Variants in NEK1 observed in about 807,000 individuals in gnomAD.
The protein encoded by NEK1 is NIMA related kinase 1.
Under a neutral mutation model 182.1 loss-of-function variants are expected in NEK1, and 137 were observed. The ratio of observed to expected loss-of-function variants is 0.75; its 90% CI spans 0.65 to 0.87. The LOEUF is 0.87. NEK1 is among the 40% of genes least tolerant of loss of function. NEK1 has a pLI of 0.00. For synonymous variants in NEK1, 513 were observed against 492.2 expected (o/e 1.04, Z -0.56); for missense variants, 1,391 against 1,494.4 (o/e 0.93, Z 1.14).
At chr4:169,416,548 C>A (rs1054383650) in intron 31 of NEK1, among the ~76,000 whole-genome samples, 5 of 152,166 alleles carry the variant, frequency 3.3e-5, no homozygotes, top group African/African-American at 1.2e-4. Flanking sequence ...TAACAATCCT[C>A]ACATTAGGTA....
chr4:169,603,165 G>C (rs1477238993), intron 2 of NEK1, among the ~76,000 whole-genome samples: 3 of 152,132 alleles, frequency 2.0e-5, no homozygotes, highest in Non-Finnish European at 4.4e-5. Context: ...TGAATTCAAA[G>C]AATATGCCCA....
chr4:169,484,579 G>C (rs1362887379), intron 23 of NEK1, among the ~76,000 whole-genome samples: 2 of 152,096 alleles, frequency 1.3e-5, no homozygotes, highest in African/African-American at 4.8e-5. Flanking sequence ...AAAAAATAAA[G>C]AGATAAGTAC....
intron 27 of NEK1, among the ~76,000 whole-genome samples, chr4:169,451,008 T>G (rs966358782): frequency 6.6e-6 from 1 of 152,080 alleles, no homozygotes; most frequent in Admixed American, 6.6e-5. Flanking sequence ...AAAACAGACT[T>G]TAAAGCAACA....
chr4:169,579,633 CA>C (rs1251799361), intron 11 of NEK1, among the ~76,000 whole-genome samples: 1 of 151,992 alleles, frequency 6.6e-6, no homozygotes, highest in East Asian at 1.9e-4. Flanking sequence ...TACTAAAATA[CA>C]AAAAATTAGC....
At chr4:169,446,748 G>A (rs1432161522) in intron 27 of NEK1, among the ~76,000 whole-genome samples, 1 of 152,140 alleles carries the variant, frequency 6.6e-6, no homozygotes, top group Admixed American at 6.5e-5. Context: ...TTCTGGAGCT[G>A]AGAAATGCAA....
Position 169,393,174 on chromosome 4 carries a change from G to A in NEK1, c.*1336C>T, listed in dbSNP as rs1380340384. ...TTCATTTTCTTCCATTATGAAGAAA[G>A]AAATCATCAGGTACAAAACCAACAA... On this transcript the variant is annotated 3_prime_UTR_variant, in exon 36 of 36. Transcript: ENST00000507142. 2 of 152,112 alleles carry A rather than the reference G, an allele frequency of 1.3e-5. No homozygotes were observed. Among genetic ancestry groups the A allele is most frequent in the Non-Finnish European group, 2.9e-5 (2 of 68,010 alleles). The allele number at this position is 152,112 out of a possible 1,614,324, so 9.4% of individuals were successfully genotyped here. A position where few individuals can be genotyped will look rare whatever the true frequency, so the allele number is the denominator to read the frequency against.
At chr4:169,440,512 C>T (rs186308617) in intron 27 of NEK1, among the ~76,000 whole-genome samples, 148 of 152,292 alleles carry the variant, frequency 9.7e-4, no homozygotes, top group African/African-American at 3.4e-3. Flanking sequence ...TGGCACTTGT[C>T]TGTTCCACAA....
intron 23 of NEK1, among the ~76,000 whole-genome samples, chr4:169,481,262 T>C (rs1747949258): frequency 6.6e-6 from 1 of 152,210 alleles, no homozygotes; most frequent in Non-Finnish European, 1.5e-5. Flanking sequence ...CCTGTTAATG[T>C]TGACATTAAC....
At chr4:169,501,722 A>G (rs1021017820) in intron 23 of NEK1, among the ~76,000 whole-genome samples, 3 of 152,206 alleles carry the variant, frequency 2.0e-5, no homozygotes, top group African/African-American at 4.8e-5. Context: ...GAAACACTAC[A>G]TACCAAAACC....
intron 10 of NEK1, among the ~76,000 whole-genome samples, chr4:169,581,121 A>T (rs1321605882): frequency 2.0e-5 from 3 of 150,402 alleles, no homozygotes; most frequent in Non-Finnish European, 4.4e-5. Context: ...GGCTGAGGGG[A>T]AGATCGCTTG....
At chr4:169,499,238 AT>A (rs1166815840) in intron 23 of NEK1, among the ~76,000 whole-genome samples, 1 of 152,018 alleles carries the variant, frequency 6.6e-6, no homozygotes, top group African/African-American at 2.4e-5. Flanking sequence ...TTGTGCCATG[AT>A]TTTCAGCTCC....
At chr4:169,545,738 C>A (rs1760312841) in intron 18 of NEK1, among the ~76,000 whole-genome samples, 1 of 151,744 alleles carries the variant, frequency 6.6e-6, no homozygotes, top group South Asian at 2.1e-4. Context: ...TTAATGATTG[C>A]CATTCTAACT....
intron 30 of NEK1, among the ~76,000 whole-genome samples, chr4:169,425,866 A>G (rs1262085362): frequency 6.6e-6 from 1 of 152,196 alleles, no homozygotes; most frequent in Non-Finnish European, 1.5e-5. Flanking sequence ...AAAACAATTT[A>G]TTTAATGTCC....
At chr4:169,460,501 TATAAG>T (rs1304852922) in intron 27 of NEK1, among the ~76,000 whole-genome samples, 2 of 152,060 alleles carry the variant, frequency 1.3e-5, no homozygotes, top group East Asian at 1.9e-4. Flanking sequence ...TCATGGGAGC[TATAAG>T]ATGAGATTTG....
At chr4:169,468,963 T>C (rs1191390452) in intron 26 of NEK1, among the ~76,000 whole-genome samples, 1 of 152,220 alleles carries the variant, frequency 6.6e-6, no homozygotes, top group African/African-American at 2.4e-5. Flanking sequence ...TCAGTGGTGA[T>C]ATCCCCTTTA....
Position 169,585,517 on chromosome 4 carries a change from C to G in NEK1, c.639G>C (p.Leu213=). Residue 213 remains leucine (L), a synonymous_variant, in exon 10 of 36, where the codon CTG becomes CTC. Coordinates refer to ENST00000507142, the MANE Select transcript of NEK1 (RefSeq NM_001199397.3). The part of the protein sequence containing the change: ...FEAGSMKNLV[L]KIISGSFPPV... ...GTGGAAAAGATCCAGATATTATCTT[C>G]AGTACCAGGTTTTTCATACTGCCAG... 1 of 1,613,238 alleles carries G rather than the reference C, an allele frequency of 6.2e-7. No homozygotes were observed. The highest frequency in any genetic ancestry group is 1.1e-5 in the South Asian group (1 of 90,974).
At chr4:169,600,990 A>C (rs764163615) in intron 4 of NEK1, among the ~76,000 whole-genome samples, 8 of 152,214 alleles carry the variant, frequency 5.3e-5, no homozygotes, top group Non-Finnish European at 8.8e-5. Context: ...ACAACAACAA[A>C]AAAAGAAACT....
chr4:169,428,982 G>A (rs1347960530), intron 29 of NEK1, among the ~76,000 whole-genome samples: 8 of 152,028 alleles, frequency 5.3e-5, no homozygotes, highest in Admixed American at 5.2e-4. Flanking sequence ...ATGCTTTAGA[G>A]TTGACCCTTG....
In NEK1 at chr4:169,396,394, A is replaced by G. The variant is rs867420243; in HGVS notation, c.3848-1871T>C. On this transcript the variant is annotated intron_variant, in intron 35 of 35. Coordinates refer to ENST00000507142, the MANE Select transcript of NEK1 (RefSeq NM_001199397.3). ...AAAAAAAAAAAAAAAAAAAAAAAAA[A>G]AAGAAGAATCTATAAACTTGGGCCG... Among the ~76,000 whole-genome samples, 308 of 142,330 alleles carry G rather than the reference A, an allele frequency of 2.2e-3. 2 individuals carry two copies. Among genetic ancestry groups the G allele is most frequent in the African/African-American group, 8.0e-3 (296 of 37,046 alleles). The allele number at this position is 142,330 out of a possible 152,430, so 93.4% of individuals were successfully genotyped here. A position where few individuals can be genotyped will look rare whatever the true frequency, so the allele number is the denominator to read the frequency against.
Sources: gnomAD v4.1 joint callset for allele counts (sites outside exome capture counted in the v4.1 genomes callset) on GRCh38, gnomAD v4.1.1 for gene constraint, MANE v1.5 for transcripts, NCBI Gene and HGNC (gene_info 2026-07-23, HGNC 2026-07-21) for gene names.